SGSH: variants seen among roughly 807,000 people sequenced by gnomAD.
SGSH encodes N-sulfoglucosamine sulfohydrolase, also known as heparan sulfate sulfatase.
Under a neutral mutation model 51.0 loss-of-function variants are expected in SGSH, and 48 were observed. The observed-to-expected ratio is 0.94, with a 90% CI of 0.75 to 1.20. The LOEUF is 1.20. Ranked by LOEUF, SGSH falls within the 50% of genes most tolerant of loss-of-function variation. The probability of loss-of-function intolerance (pLI) is 0.00; values close to 1 mark genes in which losing one functional copy is unlikely to be tolerated. For synonymous variants in SGSH, 321 were observed against 313.4 expected, an observed-to-expected ratio of 1.02 and a Z score of -0.26; for missense variants, 662 against 717.8, an observed-to-expected ratio of 0.92 and a Z score of 0.89.
At chr17:80,214,477 A>G in intron 4 of SGSH, 138 bp downstream of exon 4, 1 of 1,291,222 alleles carries the variant, frequency 7.7e-7, no homozygotes, top group South Asian at 1.4e-5. Flanking sequence ...CCCTCTGACC[A>G]GGCTAACTCG....
At chr17:80,205,587 G>C (rs746358733), downstream of SGSH, 26 of 1,576,116 alleles carry the variant, frequency 1.6e-5, no homozygotes, top group Non-Finnish European at 2.1e-5. Context: ...CATCATCCAG[G>C]AGGGAGAGGT....
Position 80,214,956 on chromosome 17 carries a change from A to G in SGSH, c.355+77T>C, listed in dbSNP as rs967943340. ...ACGGGGGCTGAGCGTGCCTTGGTAC[A>G]AGGTGCCGAACCTCCTGGGCTCTGG... On this transcript the variant is annotated intron_variant, in intron 3 of 7. Coordinates refer to ENST00000326317, the MANE Select transcript of SGSH (RefSeq NM_000199.5). 29 of 1,384,984 alleles carry G rather than the reference A, an allele frequency of 2.1e-5. No homozygotes were observed. The African/African-American group carries it at 3.1e-4, about 15-fold the overall frequency. 85.8% of individuals were successfully genotyped at this position (1,384,984 alleles called of 1,614,324 possible). A position where few individuals can be genotyped will look rare whatever the true frequency, so the allele number is the denominator to read the frequency against.
chr17:80,207,107 G>C (rs764214711), downstream of SGSH: 5 of 1,580,268 alleles, frequency 3.2e-6, no homozygotes. Flanking sequence ...CTGGGGGCTG[G>C]GCAGGGGCTT....
At chr17:80,205,417 G>A, downstream of SGSH, 2 of 1,419,568 alleles carry the variant, frequency 1.4e-6, no homozygotes, top group Non-Finnish European at 1.9e-6. Context: ...GACATCCTAA[G>A]AAGAGCTTCT....
At chr17:80,220,017 C>T (rs2042082387) in intron 1 of SGSH, 1 of 482,620 alleles carries the variant, frequency 2.1e-6, no homozygotes, top group Admixed American at 4.1e-5. Flanking sequence ...GATGCTGGGG[C>T]TCACTCCTCC....
chr17:80,204,935 T>C (rs992094830), downstream of SGSH: 3 of 994,550 alleles, frequency 3.0e-6, no homozygotes, highest in Admixed American at 3.0e-5. Flanking sequence ...GTGCTGGGGC[T>C]GCTGCAGTGA....
Position 80,210,024 on chromosome 17 carries a change from A to G in SGSH, c.*428T>C. ...CCGAAGCCCCTGCCTGCTCTCTGTG[A>G]AGGGTTCAGAAGTATCTGTGGCTGC... On this transcript the variant is annotated 3_prime_UTR_variant, in exon 8 of 8. Coordinates refer to ENST00000326317, the MANE Select transcript of SGSH (RefSeq NM_000199.5). 2.8e-6 allele frequency: 3 copies of G among 1,056,932 alleles called. No homozygotes were observed. The highest frequency in any genetic ancestry group is 3.4e-6 in the Non-Finnish European group (3 of 873,522). 65.5% of individuals were successfully genotyped at this position (1,056,932 alleles called of 1,614,324 possible). A position where few individuals can be genotyped will look rare whatever the true frequency, so the allele number is the denominator to read the frequency against.
chr17:80,204,922 T>C (rs1598710203), downstream of SGSH: 3 of 881,328 alleles, frequency 3.4e-6, no homozygotes, highest in African/African-American at 5.1e-5. Flanking sequence ...CCTGGAATTC[T>C]AGGTGCTGGG....
chr17:80,202,712 T>A, downstream of SGSH: 1 of 895,352 alleles, frequency 1.1e-6, no homozygotes, highest in Non-Finnish European at 1.5e-6. Context: ...CCGTCTGTGG[T>A]GGGGCCGTCC....
chr17:80,210,441 T>G lies in SGSH; in HGVS notation c.*11A>C. On this transcript the variant is annotated 3_prime_UTR_variant, in exon 8 of 8. Transcript: ENST00000326317. Reference sequence around the variant, plus strand: ...CATGCCTGGGATGTGTGCACAGGCCTCCTGGGATGGTCACAGCTCATTGTG... The same window carrying G: ...CATGCCTGGGATGTGTGCACAGGCCGCCTGGGATGGTCACAGCTCATTGTG... 2 of 1,587,090 alleles carry G rather than the reference T, an allele frequency of 1.3e-6. No individual in the cohort carries two copies. The highest frequency in any genetic ancestry group is 1.7e-6 in the Non-Finnish European group (2 of 1,172,414).
downstream of SGSH, chr17:80,205,581 A>G: frequency 1.3e-6 from 2 of 1,577,888 alleles, no homozygotes; most frequent in Non-Finnish European, 1.7e-6. Context: ...AGGGGACATC[A>G]TCCAGGAGGG....
At chr17:80,206,788 A>C (rs4889837), downstream of SGSH, 1 of 412,824 alleles carries the variant, frequency 2.4e-6, no homozygotes, top group Non-Finnish European at 4.3e-6. Flanking sequence ...AAATAAAAAT[A>C]AAAAAAAGAG....
chr17:80,201,666 T>C, the SGSH span: 2 of 1,531,062 alleles, frequency 1.3e-6, no homozygotes, highest in Non-Finnish European at 1.8e-6. This position sits in a 1 kb window ranked among gnomAD's most constrained non-coding sequence, Gnocchi z 5.0. Flanking sequence ...CTCGCCTCAG[T>C]GCCCTCAGCG....
intron 1 of SGSH, among the ~76,000 whole-genome samples, chr17:80,218,907 G>A (rs2042003469): frequency 6.6e-6 from 1 of 152,108 alleles, no homozygotes; most frequent in Non-Finnish European, 1.5e-5. Flanking sequence ...ATGCCCGTAA[G>A]CCCAGCACCC....
chr17:80,203,826 C>T, downstream of SGSH: 1 of 1,576,968 alleles, frequency 6.3e-7, no homozygotes. The surrounding 1 kb of genome is among the most constrained non-coding windows in gnomAD (Gnocchi z 4.6). Context: ...CTGCAGGGCT[C>T]AGCAGCAGCT....
intron 7 of SGSH, 143 bp downstream of exon 7, chr17:80,211,928 A>G (rs1485473140): frequency 4.2e-6 from 3 of 721,470 alleles, no homozygotes; most frequent in Non-Finnish European, 7.4e-6. Flanking sequence ...TTTCCTCTGT[A>G]GAGTGGGAGT....
chr17:80,202,073 C>T, downstream of SGSH: 1 of 1,255,202 alleles, frequency 8.0e-7, no homozygotes, highest in South Asian at 1.4e-5. Context: ...AGAGCAGCTT[C>T]TGAGACTGGG....
intron 1 of SGSH, among the ~76,000 whole-genome samples, chr17:80,217,750 G>C (rs1598759871): frequency 1.3e-5 from 2 of 150,582 alleles, no homozygotes; most frequent in Middle Eastern, 7.7e-3. Flanking sequence ...TATGTTAGCA[G>C]GTAGACTGGT....
chr17:80,207,260 CCT>C (rs1396564111), downstream of SGSH, among the ~76,000 whole-genome samples: 15 of 152,092 alleles, frequency 9.9e-5, no homozygotes, highest in African/African-American at 2.9e-4. Flanking sequence ...ATGAGATTCC[CCT>C]GATTTTGGCC....
Sources: gnomAD v4.1 joint callset for allele counts (sites outside exome capture counted in the v4.1 genomes callset) on GRCh38, gnomAD v4.1.1 for gene constraint, Gnocchi (gnomAD v3.1) non-coding constraint, MANE v1.5 for transcripts, NCBI Gene and HGNC (gene_info 2026-07-23, HGNC 2026-07-21) for gene names.